The following EIPR1 variants were observed in gnomAD, a reference collection of about 807,000 sequenced individuals.
EIPR1 encodes the protein EARP and GARP complex-interacting protein 1.
In EIPR1, 25 loss-of-function variants were observed where a neutral mutation model predicts 48.1. That is an observed-to-expected ratio of 0.52 (90% CI 0.38 to 0.73). The LOEUF (loss-of-function observed/expected upper bound fraction) is 0.73, where lower values mean the gene tolerates loss of function less well. Ranked by LOEUF, EIPR1 falls within the 30% of genes least tolerant of loss-of-function variation. The pLI is 0.00. For missense variants in EIPR1, 415 were observed against 506.2 expected, an observed-to-expected ratio of 0.82 and a Z score of 1.73; for synonymous variants, 204 against 201.9, an observed-to-expected ratio of 1.01 and a Z score of -0.09.
Position 3,298,896 on chromosome 2 carries a change from C to T in EIPR1, c.259+39121G>A, listed in dbSNP as rs115894229. Among the ~76,000 whole-genome samples, 1,088 of 152,234 alleles carry T rather than the reference C, an allele frequency of 7.1e-3. 14 individuals carry two copies. The highest frequency in any genetic ancestry group is 0.025 in the African/African-American group (1,052 of 41,522). Reference sequence around the variant, plus strand: ...GGACAGCTGCAGACGTCAAGCCCAGCCTTCCAGGGGACATCGTCTGACTCG... The same window carrying T: ...GGACAGCTGCAGACGTCAAGCCCAGTCTTCCAGGGGACATCGTCTGACTCG... On this transcript the variant is annotated intron_variant, in intron 3 of 8. Coordinates refer to ENST00000382125, the MANE Select transcript of EIPR1 (RefSeq NM_003310.5).
At chr2:3,271,496 T>C (rs1275234023) in intron 3 of EIPR1, among the ~76,000 whole-genome samples, 3 of 152,244 alleles carry the variant, frequency 2.0e-5, no homozygotes, top group African/African-American at 7.2e-5. Flanking sequence ...AATCTTGTGC[T>C]AGCAGGCATG....
intron 5 of EIPR1, 77 bp from the exon 6 acceptor site, chr2:3,197,094 A>G: frequency 6.7e-7 from 1 of 1,499,286 alleles, no homozygotes; most frequent in Non-Finnish European, 9.2e-7. Flanking sequence ...ACGCGAGAGG[A>G]TATCGTATAC....
At chr2:3,207,340 G>A (rs1665272043) in intron 5 of EIPR1, among the ~76,000 whole-genome samples, 1 of 152,190 alleles carries the variant, frequency 6.6e-6, no homozygotes, top group South Asian at 2.1e-4. Context: ...CTGCACTGCT[G>A]CCCCAGCTGC....
intron 3 of EIPR1, among the ~76,000 whole-genome samples, chr2:3,274,787 A>C (rs537984748): frequency 1.3e-5 from 2 of 152,190 alleles, no homozygotes; most frequent in South Asian, 2.1e-4. Context: ...AGTATCTAAG[A>C]TAGAAGGGAG....
At chr2:3,251,986 A>G (rs1415864348) in intron 4 of EIPR1, among the ~76,000 whole-genome samples, 1 of 152,000 alleles carries the variant, frequency 6.6e-6, no homozygotes, top group African/African-American at 2.4e-5. Context: ...CTTTACCTTA[A>G]TCTCTTGGGG....
At chr2:3,321,519 G>A (rs1669529731) in intron 3 of EIPR1, among the ~76,000 whole-genome samples, 1 of 152,062 alleles carries the variant, frequency 6.6e-6, no homozygotes, top group Admixed American at 6.6e-5. Context: ...TCAGAATTCT[G>A]GTTTCACAAA....
intron 4 of EIPR1, among the ~76,000 whole-genome samples, chr2:3,235,158 A>C (rs1304219232): frequency 6.6e-6 from 1 of 152,238 alleles, no homozygotes; most frequent in African/African-American, 2.4e-5. Context: ...AGAAAATGAC[A>C]ACCTCTGATG....
chr2:3,302,162 T>G (rs551588112), intron 3 of EIPR1, among the ~76,000 whole-genome samples: 2 of 152,184 alleles, frequency 1.3e-5, no homozygotes, highest in South Asian at 4.2e-4. Flanking sequence ...CTGAAAACTT[T>G]CCGGCATACA....
At chr2:3,195,902 T>A (rs1195967053) in intron 6 of EIPR1, among the ~76,000 whole-genome samples, 2 of 152,232 alleles carry the variant, frequency 1.3e-5, no homozygotes, top group Non-Finnish European at 2.9e-5. Flanking sequence ...GCCACGGGCA[T>A]CTTTTTGTTT....
chr2:3,274,182 G>A (rs1015855535), intron 3 of EIPR1, among the ~76,000 whole-genome samples: 2 of 152,166 alleles, frequency 1.3e-5, no homozygotes, highest in Admixed American at 6.5e-5. Flanking sequence ...TAAGTGGGGT[G>A]CACAGGAAAA....
At chr2:3,270,304 AAC>A (rs1221547344) in intron 3 of EIPR1, among the ~76,000 whole-genome samples, 1 of 152,176 alleles carries the variant, frequency 6.6e-6, no homozygotes, top group African/African-American at 2.4e-5. Context: ...CATGGATGCC[AAC>A]ACTCCCGCAG....
At chr2:3,322,949 G>A (rs900897305) in intron 3 of EIPR1, among the ~76,000 whole-genome samples, 3 of 152,210 alleles carry the variant, frequency 2.0e-5, no homozygotes, top group South Asian at 2.1e-4. Flanking sequence ...GCGTACGTGC[G>A]AGGTGTCCCT....
intron 3 of EIPR1, among the ~76,000 whole-genome samples, chr2:3,262,348 C>A (rs1164264106): frequency 1.3e-5 from 2 of 152,214 alleles, no homozygotes; most frequent in Non-Finnish European, 2.9e-5. Context: ...AAGACCTTGG[C>A]AAGACGGCAG....
At chr2:3,224,167 GTC>G (rs952726582) in intron 4 of EIPR1, among the ~76,000 whole-genome samples, 8 of 152,230 alleles carry the variant, frequency 5.3e-5, no homozygotes, top group African/African-American at 1.4e-4. Context: ...TCTCCCTGTA[GTC>G]TCTGCCTGGT....
intron 4 of EIPR1, among the ~76,000 whole-genome samples, chr2:3,217,422 G>A (rs1341153230): frequency 1.3e-5 from 2 of 152,164 alleles, no homozygotes; most frequent in Non-Finnish European, 2.9e-5. Context: ...TTTTAAGTTT[G>A]ATGTTTAACT....
intron 3 of EIPR1, among the ~76,000 whole-genome samples, chr2:3,299,719 G>A (rs754234106): frequency 6.6e-5 from 10 of 150,862 alleles, no homozygotes; most frequent in Non-Finnish European, 1.5e-4. Context: ...GCCAAATCAC[G>A]GAAGACAGAC....
chr2:3,315,126 AC>A, intron 3 of EIPR1, among the ~76,000 whole-genome samples: 1 of 128,688 alleles, frequency 7.8e-6, no homozygotes, highest in East Asian at 3.8e-4. Flanking sequence ...CGTCCACACC[AC>A]CATCATCATC....
At chr2:3,233,165 C>G (rs1666295369) in intron 4 of EIPR1, among the ~76,000 whole-genome samples, 1 of 152,068 alleles carries the variant, frequency 6.6e-6, no homozygotes, top group Non-Finnish European at 1.5e-5. Flanking sequence ...ATAATCATTA[C>G]TTACAAACAT....
At chr2:3,209,863 G>T (rs976046777) in intron 5 of EIPR1, among the ~76,000 whole-genome samples, 15 of 152,202 alleles carry the variant, frequency 9.9e-5, no homozygotes, top group African/African-American at 3.6e-4. Flanking sequence ...CCAGGGGCTT[G>T]GAGAGAGAGC....
Sources: allele counts gnomAD v4.1 joint callset (sites outside exome capture counted in the v4.1 genomes callset), GRCh38; gene constraint gnomAD v4.1.1; transcripts MANE v1.5; gene names NCBI Gene and HGNC (gene_info 2026-07-23, HGNC 2026-07-21).